DACH2: variants seen among roughly 807,000 people sequenced by gnomAD.
DACH2 encodes dachshund family transcription factor 2.
In DACH2, 17 loss-of-function variants were observed where a neutral mutation model predicts 35.8. The ratio of observed to expected loss-of-function variants is 0.48; its 90% CI spans 0.33 to 0.71. The LOEUF is 0.71. Among genes scored for constraint, DACH2 ranks in the 30% least tolerant of loss-of-function variants. The pLI is 0.02. For synonymous variants in DACH2, 195 were observed against 177.3 expected (o/e 1.10, Z -0.79); for missense variants, 469 against 472.7 (o/e 0.99, Z 0.07).
At chrX:86,693,858 A>T (rs1039706676) in intron 4 of DACH2, among the ~76,000 whole-genome samples, 11 of 111,972 alleles carry the variant, frequency 9.8e-5, no homozygotes, top group Admixed American at 1.9e-4. Context: ...CTTTGTAGAT[A>T]TGAAGCAACA....
intron 6 of DACH2, among the ~76,000 whole-genome samples, chrX:86,728,085 T>C (rs766051491): frequency 8.9e-6 from 1 of 112,144 alleles, no homozygotes; most frequent in Non-Finnish European, 1.9e-5. Context: ...GATGGTGATA[T>C]GGACAGTGAA....
intron 1 of DACH2, among the ~76,000 whole-genome samples, chrX:86,231,355 TG>T (rs1165381996): frequency 9.0e-6 from 1 of 111,434 alleles, no homozygotes; most frequent in Non-Finnish European, 1.9e-5. Context: ...ATATGTCCTT[TG>T]TCTTCGGCTA....
chrX:86,820,234 CA>C (rs1264375186), intron 11 of DACH2, among the ~76,000 whole-genome samples: 1 of 111,669 alleles, frequency 9.0e-6, no homozygotes, highest in African/African-American at 3.2e-5. Context: ...CATGGAATGT[CA>C]ATTTCTGTGA....
intron 1 of DACH2, among the ~76,000 whole-genome samples, chrX:86,185,954 G>T (rs758475254): frequency 1.8e-5 from 2 of 111,734 alleles, no homozygotes; most frequent in Non-Finnish European, 3.8e-5. Context: ...ACTGTAGCTG[G>T]GACTTTCCAT....
intron 7 of DACH2, among the ~76,000 whole-genome samples, chrX:86,807,143 T>C (rs1480296721): frequency 2.7e-5 from 3 of 111,844 alleles, no homozygotes; most frequent in Admixed American, 9.5e-5. Context: ...AAGGTGAAGC[T>C]GGGCTCATCC....
intron 1 of DACH2, among the ~76,000 whole-genome samples, chrX:86,303,914 C>T (rs1470517114): frequency 9.0e-6 from 1 of 111,204 alleles, no homozygotes; most frequent in African/African-American, 3.3e-5. Context: ...CCACAAAAGA[C>T]TCAGAATAGT....
At chrX:86,451,390 G>A (rs1296438106) in intron 2 of DACH2, among the ~76,000 whole-genome samples, 1 of 111,172 alleles carries the variant, frequency 9.0e-6, no homozygotes, top group Non-Finnish European at 1.9e-5. Flanking sequence ...TTATTTCTGA[G>A]TTCTCTATTC....
intron 11 of DACH2, among the ~76,000 whole-genome samples, chrX:86,819,107 T>C (rs1293574161): frequency 9.2e-6 from 1 of 108,425 alleles, no homozygotes; most frequent in Non-Finnish European, 1.9e-5. Context: ...ATGTCTTTTA[T>C]GCTTTGAATG....
chrX:86,480,225 C>T (rs555901353), intron 2 of DACH2, among the ~76,000 whole-genome samples: 1 of 112,449 alleles, frequency 8.9e-6, no homozygotes, highest in African/African-American at 3.2e-5. Context: ...TGCAGACTTG[C>T]AGAGGTACCA....
chrX:86,772,436 A>G (rs1205960010), intron 7 of DACH2, among the ~76,000 whole-genome samples: 1 of 111,330 alleles, frequency 9.0e-6, no homozygotes, highest in Non-Finnish European at 1.9e-5. Context: ...TTTATACTGT[A>G]CCAAGTGCAA....
At chrX:86,509,909 G>A (rs1404808121) in intron 2 of DACH2, among the ~76,000 whole-genome samples, 1 of 111,737 alleles carries the variant, frequency 8.9e-6, no homozygotes, top group African/African-American at 3.3e-5. Context: ...CCAAGTCATT[G>A]GTAATGGCTT....
chrX:86,518,088 G>A (rs1312362440), intron 3 of DACH2, among the ~76,000 whole-genome samples: 1 of 112,080 alleles, frequency 8.9e-6, no homozygotes, highest in African/African-American at 3.2e-5. Context: ...GTGTAAGGAA[G>A]GGGTCCAGTT....
chrX:86,330,566 T>G (rs1215340900), intron 1 of DACH2, among the ~76,000 whole-genome samples: 3 of 111,623 alleles, frequency 2.7e-5, no homozygotes, highest in Non-Finnish European at 5.7e-5. Flanking sequence ...TGCTTGGAAG[T>G]CAGTGATGTG....
At chrX:86,529,489 T>C (rs1283502290) in intron 3 of DACH2, among the ~76,000 whole-genome samples, 2 of 108,796 alleles carry the variant, frequency 1.8e-5, no homozygotes, top group African/African-American at 6.7e-5. Context: ...TTTTTTTTTT[T>C]TTGAGATGGA....
chrX:86,779,144 C>T (rs2042065948), intron 7 of DACH2, among the ~76,000 whole-genome samples: 1 of 111,416 alleles, frequency 9.0e-6, no homozygotes, highest in South Asian at 3.7e-4. Flanking sequence ...TTTAATGTTA[C>T]ATTGTAATAA....
rs191407956 is a variant in DACH2, at chrX:86,296,475, A to G, written c.489-80349A>G. On this transcript the variant is annotated intron_variant, in intron 1 of 11. Coordinates refer to ENST00000373125, the MANE Select transcript of DACH2 (RefSeq NM_053281.3). ...TTGTGACAAATACATCACCTCAACT[A>G]TATAAGTCAACTTTAATCTTTATTA... Among the ~76,000 whole-genome samples the G allele has an allele frequency of 7.2e-5, 8 of 110,655 alleles. No homozygotes were observed. The East Asian group carries it at 8.5e-4, about 12-fold the overall frequency.
chrX:86,782,995 A>C (rs762292008), intron 7 of DACH2, among the ~76,000 whole-genome samples: 2 of 112,059 alleles, frequency 1.8e-5, no homozygotes, highest in African/African-American at 6.5e-5. Flanking sequence ...GAATGGGAGA[A>C]AATATTTGGA....
At chrX:86,529,316 A>T (rs1326734167) in intron 3 of DACH2, among the ~76,000 whole-genome samples, 2 of 110,609 alleles carry the variant, frequency 1.8e-5, no homozygotes, top group African/African-American at 6.6e-5. Flanking sequence ...AAGTGCTGGG[A>T]TTATAGGTGT....
intron 6 of DACH2, among the ~76,000 whole-genome samples, chrX:86,719,087 T>C (rs985543717): frequency 1.8e-5 from 2 of 112,232 alleles, no homozygotes; most frequent in Non-Finnish European, 3.8e-5. Context: ...ATAATGTTAG[T>C]TTTTTCTAAT....
Sources: gnomAD v4.1 joint callset for allele counts (sites outside exome capture counted in the v4.1 genomes callset) on GRCh38, gnomAD v4.1.1 for gene constraint, MANE v1.5 for transcripts, NCBI Gene and HGNC (gene_info 2026-07-23, HGNC 2026-07-21) for gene names.